Variants in FRMPD4 observed in about 807,000 individuals in gnomAD.
FRMPD4 encodes FERM and PDZ domain containing 4, also known as FERM and PDZ domain-containing protein 4.
A neutral mutation model predicts 94.1 loss-of-function variants in FRMPD4; 22 were observed. The observed-to-expected ratio is 0.23, with a 90% confidence interval of 0.17 to 0.33. The LOEUF is 0.33. Ranked by LOEUF, FRMPD4 falls within the 10% of genes least tolerant of loss-of-function variation. The pLI, the probability that FRMPD4 is intolerant of heterozygous loss-of-function variation, is 1.00. For synonymous variants in FRMPD4, 631 were observed against 548.6 expected, an observed-to-expected ratio of 1.15 and a Z score of -2.10; for missense variants, 1,111 against 1,339.9, an observed-to-expected ratio of 0.83 and a Z score of 2.67.
intron 5 of FRMPD4, among the ~76,000 whole-genome samples, chrX:12,679,097 C>G (rs1016417837): frequency 8.9e-6 from 1 of 112,419 alleles, no homozygotes; most frequent in African/African-American, 3.2e-5. Context: ...GACCATATGT[C>G]ATGCTGAGCA....
At chrX:12,631,487 T>C (rs2059395636) in intron 4 of FRMPD4, among the ~76,000 whole-genome samples, 1 of 111,497 alleles carries the variant, frequency 9.0e-6, no homozygotes, top group Admixed American at 9.5e-5. Context: ...GGTGGTGTGC[T>C]ACACCCATCA....
At chrX:12,375,664 T>C (rs2056226128) in intron 1 of FRMPD4, among the ~76,000 whole-genome samples, 1 of 112,394 alleles carries the variant, frequency 8.9e-6, no homozygotes, top group Admixed American at 9.4e-5. Context: ...TAAACTTCAT[T>C]ATGCCTAAAA....
At chrX:12,296,232 C>G (rs780751566) in intron 1 of FRMPD4, among the ~76,000 whole-genome samples, 1 of 111,633 alleles carries the variant, frequency 9.0e-6, no homozygotes, top group African/African-American at 3.3e-5. Context: ...TTGGATTTCT[C>G]AAAATTTCCC....
intron 3 of FRMPD4, among the ~76,000 whole-genome samples, chrX:11,896,055 A>T (rs1268728273): frequency 8.9e-6 from 1 of 112,304 alleles, no homozygotes; most frequent in Non-Finnish European, 1.9e-5. Flanking sequence ...GTGATTTCTC[A>T]ATTTCAGGCT....
intron 1 of FRMPD4, among the ~76,000 whole-genome samples, chrX:12,142,038 A>G (rs937633027): frequency 3.6e-5 from 4 of 111,538 alleles, no homozygotes; most frequent in African/African-American, 1.3e-4. Flanking sequence ...ACTCATAGGG[A>G]TGTTATTAAA....
At chrX:12,710,773 G>C (rs370968621) in intron 14 of FRMPD4, among the ~76,000 whole-genome samples, 74 of 110,701 alleles carry the variant, frequency 6.7e-4, no homozygotes, top group African/African-American at 2.4e-3. Context: ...GGGCATAGTG[G>C]CACGCACCTG....
chrX:11,976,699 C>T (rs2054369094), intron 3 of FRMPD4, among the ~76,000 whole-genome samples: 1 of 111,851 alleles, frequency 8.9e-6, no homozygotes, highest in African/African-American at 3.2e-5. Context: ...TTCAAAAAAG[C>T]CCATTGCCAT....
intron 1 of FRMPD4, among the ~76,000 whole-genome samples, chrX:12,198,927 AC>A (rs1031025880): frequency 2.7e-5 from 3 of 112,470 alleles, no homozygotes; most frequent in African/African-American, 9.7e-5. Flanking sequence ...AATGTAAGAT[AC>A]AACATTTTAA....
chrX:11,963,982 G>A (rs1241766353), intron 3 of FRMPD4, among the ~76,000 whole-genome samples: 1 of 111,336 alleles, frequency 9.0e-6, no homozygotes, highest in African/African-American at 3.3e-5. Context: ...CTCCTGAGTT[G>A]CTCTAAGTTG....
intron 3 of FRMPD4, among the ~76,000 whole-genome samples, chrX:11,900,492 TTTC>T (rs1215679215): frequency 8.9e-6 from 1 of 111,990 alleles, no homozygotes; most frequent in Non-Finnish European, 1.9e-5. Flanking sequence ...CCCTCTTTCT[TTTC>T]TTCTTCAGCA....
chrX:12,161,415 T>C (rs2056023862), intron 1 of FRMPD4, among the ~76,000 whole-genome samples: 1 of 112,033 alleles, frequency 8.9e-6, no homozygotes, highest in Non-Finnish European at 1.9e-5. Flanking sequence ...TGCCTTGGCC[T>C]CCAAATGTGC....
intron 1 of FRMPD4, among the ~76,000 whole-genome samples, chrX:12,338,583 T>A (rs910151256): frequency 8.9e-6 from 1 of 112,203 alleles, no homozygotes; most frequent in African/African-American, 3.2e-5. Flanking sequence ...AATTGATAGG[T>A]ACTTAAGTGG....
chrX:11,873,230 G>A (rs1212645116), intron 2 of FRMPD4, among the ~76,000 whole-genome samples: 1 of 110,802 alleles, frequency 9.0e-6, no homozygotes, highest in Middle Eastern at 4.7e-3. Context: ...TTTTATTGGA[G>A]GTCCTAACAA....
intron 1 of FRMPD4, among the ~76,000 whole-genome samples, chrX:12,443,160 G>C (rs1050799188): frequency 1.8e-5 from 2 of 111,677 alleles, no homozygotes. Context: ...ATAGAAAGTG[G>C]TGATGGTTGC....
At chrX:12,431,866 A>C (rs1323341063) in intron 1 of FRMPD4, among the ~76,000 whole-genome samples, 1 of 112,193 alleles carries the variant, frequency 8.9e-6, no homozygotes, top group Non-Finnish European at 1.9e-5. Flanking sequence ...TACCTTTAAG[A>C]ATGTGTCATT....
At chrX:11,933,517 C>G (rs766208329) in intron 3 of FRMPD4, among the ~76,000 whole-genome samples, 1 of 112,664 alleles carries the variant, frequency 8.9e-6, no homozygotes, top group Admixed American at 9.4e-5. Flanking sequence ...AGTAGAATAT[C>G]AAATGTGTTA....
chrX:12,303,002 G>C (rs2054883862), intron 1 of FRMPD4, among the ~76,000 whole-genome samples: 1 of 111,405 alleles, frequency 9.0e-6, no homozygotes, highest in Non-Finnish European at 1.9e-5. Flanking sequence ...CATGCATTTT[G>C]GTTAAAGGTC....
In FRMPD4 at chrX:12,611,121, A is replaced by G. The variant is rs185996506; in HGVS notation, c.319+1240A>G. ...TTCCGCTGTCAACACAGCTGAATAC[A>G]GTGGACTATGATGCAATCGCCTGAA... On this transcript the variant is annotated intron_variant, in intron 3 of 16. Transcript: ENST00000675598. Among the ~76,000 whole-genome samples, 26 of 112,780 alleles carry G rather than the reference A, an allele frequency of 2.3e-4. No individual in the cohort carries two copies. The East Asian group carries it at 6.1e-3, about 26-fold the overall frequency.
chrX:12,553,450 A>ATATATATATATATATG (rs2058560292), intron 2 of FRMPD4, among the ~76,000 whole-genome samples: 1 of 51,829 alleles, frequency 1.9e-5, no homozygotes, highest in Admixed American at 2.2e-4. Context: ...ATATATATAT[A>ATATATATATATATATG]TATATATATA....
Sources: gnomAD v4.1 joint callset for allele counts (sites outside exome capture counted in the v4.1 genomes callset) on GRCh38, gnomAD v4.1.1 for gene constraint, MANE v1.5 for transcripts, NCBI Gene and HGNC (gene_info 2026-07-23, HGNC 2026-07-21) for gene names.